The following PCDHA9 variants were observed in gnomAD, a reference collection of about 807,000 sequenced individuals.
PCDHA9 encodes the protein protocadherin alpha-9.
Under a neutral mutation model 62.0 loss-of-function variants are expected in PCDHA9, and 62 were observed. That is an observed-to-expected ratio of 1.00 (90% CI 0.81 to 1.23). The LOEUF is 1.23. Ranked by LOEUF, PCDHA9 falls within the 50% of genes most tolerant of loss-of-function variation. The pLI is 0.00. For synonymous variants in PCDHA9, 557 were observed against 567.6 expected (o/e 0.98, Z 0.27); for missense variants, 1,205 against 1,249.8 (o/e 0.96, Z 0.54).
chr5:140,967,234 G>A (rs781912172), intron 1 of PCDHA9: 3 of 1,613,746 alleles, frequency 1.9e-6, no homozygotes, highest in South Asian at 1.1e-5. Context: ...ACCAGCTTCA[G>A]GTAAGCGAAT....
chr5:140,977,750 G>A (rs2096773664), intron 1 of PCDHA9, among the ~76,000 whole-genome samples: 1 of 152,142 alleles, frequency 6.6e-6, no homozygotes, highest in South Asian at 2.1e-4. Context: ...GAAGAAATGT[G>A]TTTATTAAAT....
chr5:140,971,557 T>A (rs1483701815), intron 1 of PCDHA9, among the ~76,000 whole-genome samples: 5 of 152,150 alleles, frequency 3.3e-5, no homozygotes, highest in Non-Finnish European at 7.4e-5. Context: ...CCTGTTAAAT[T>A]CCCATGTTGG....
chr5:140,935,921 C>G (rs1480748257), intron 1 of PCDHA9, among the ~76,000 whole-genome samples: 2 of 129,532 alleles, frequency 1.5e-5, no homozygotes, highest in African/African-American at 5.8e-5. Context: ...GAGACAGATT[C>G]TCATTCTGTT....
intron 1 of PCDHA9, chr5:140,870,840 A>G (rs1554164745): frequency 1.9e-6 from 3 of 1,613,712 alleles, no homozygotes; most frequent in Admixed American, 3.3e-5. Context: ...TTAACAAGCT[A>G]GTACCGCGGT....
chr5:140,870,987 C>A, intron 1 of PCDHA9: 1 of 1,613,452 alleles, frequency 6.2e-7, no homozygotes, highest in Non-Finnish European at 8.5e-7. Flanking sequence ...TGTACACGGG[C>A]GAGATAAGCA....
intron 1 of PCDHA9, among the ~76,000 whole-genome samples, chr5:140,960,334 T>C (rs902345282): frequency 6.6e-6 from 1 of 152,182 alleles, no homozygotes; most frequent in African/African-American, 2.4e-5. Context: ...GAGAAGTACA[T>C]GAGGTGAGAT....
intron 1 of PCDHA9, chr5:140,967,680 G>C (rs1554229771): frequency 6.2e-7 from 1 of 1,614,228 alleles, no homozygotes; most frequent in South Asian, 1.1e-5. Context: ...GACCGGGAGA[G>C]GCAGCTCTTC....
chr5:140,954,120 C>G (rs246026), intron 1 of PCDHA9, among the ~76,000 whole-genome samples: 85,718 of 152,076 alleles, frequency 0.56, 24,786 homozygotes, highest in African/African-American at 0.69. Flanking sequence ...GATCTTGTTC[C>G]TTTTTATGGA....
At chr5:141,005,478 C>T (rs1021420332) in intron 3 of PCDHA9, among the ~76,000 whole-genome samples, 8 of 151,550 alleles carry the variant, frequency 5.3e-5, no homozygotes, top group East Asian at 3.9e-4. Context: ...CCGAGACGGG[C>T]GGATCATGAG....
rs2150481725 is a variant in PCDHA9, at chr5:140,850,382, C to A, written c.1887C>A (p.Gly629=). The change falls in exon 1 of 4, where the codon GGC becomes GGA. Residue 629 remains glycine (G), a synonymous_variant. Transcript: ENST00000532602. ...SIPFRVGLYT[G]EISTTRALDE... ...CGTTCCGCGTGGGGCTGTACACGGG[C>A]GAGATCAGCACAACGCGTGCCCTGG... 3.2e-5 allele frequency: 51 copies of A among 1,597,762 alleles called. 3 individuals are homozygous for A. In the African/African-American group the frequency reaches 5.9e-4, roughly 19 times the overall value.
At position 140,912,253 on chromosome 5, in the gene PCDHA9, G is replaced by A. The variant is rs531201374; in HGVS notation, c.2394+61364G>A. Among the ~76,000 whole-genome samples the A allele has an allele frequency of 4.8e-4, 73 of 152,064 alleles. 1 individual carries two copies. The highest frequency in any genetic ancestry group is 1.5e-3 in the South Asian group (7 of 4,810). ...ACTGACTCAAATGTTAATCTCCTTTGATGACACCCTCACAGATATACCCAG... is the reference window on the plus strand; with the variant it reads ...ACTGACTCAAATGTTAATCTCCTTTAATGACACCCTCACAGATATACCCAG... On this transcript the variant is annotated intron_variant, in intron 1 of 3. Coordinates refer to ENST00000532602, the MANE Select transcript of PCDHA9 (RefSeq NM_031857.2).
intron 1 of PCDHA9, among the ~76,000 whole-genome samples, chr5:140,978,584 C>G (rs2096810786): frequency 6.6e-6 from 1 of 152,186 alleles, no homozygotes; most frequent in African/African-American, 2.4e-5. Flanking sequence ...TGGGAATGTT[C>G]CCTTAATGGG....
intron 1 of PCDHA9, among the ~76,000 whole-genome samples, chr5:140,897,595 A>C (rs2066215346): frequency 6.6e-6 from 1 of 152,132 alleles, no homozygotes; most frequent in Admixed American, 6.5e-5. Context: ...TCATTGTTGG[A>C]CATTTGGGTT....
chr5:141,010,341 T>G lies in PCDHA9; in HGVS notation c.*404T>G, dbSNP rs199826290. The stretch of plus-strand genomic sequence containing the variant: ...GAGCAGCTTGGGAGTTTGTGGCCAC[T>G]GGGTATGTGTGGCTACCGCGGGTAT... On this transcript the variant is annotated 3_prime_UTR_variant, in exon 4 of 4. Transcript: ENST00000532602. The G allele has an allele frequency of 4.0e-6, 6 of 1,503,220 alleles. No individual in the cohort carries two copies. Among genetic ancestry groups the G allele is most frequent in the Non-Finnish European group, 4.5e-6 (5 of 1,119,592 alleles). The allele number at this position is 1,503,220 out of a possible 1,614,324, so 93.1% of individuals were successfully genotyped here.
intron 1 of PCDHA9, chr5:140,968,917 T>G: frequency 6.2e-7 from 1 of 1,614,216 alleles, no homozygotes; most frequent in Non-Finnish European, 8.5e-7. Flanking sequence ...CAGTGTCTTT[T>G]ATATTTCTTT....
intron 1 of PCDHA9, among the ~76,000 whole-genome samples, chr5:140,920,816 C>A (rs1170521844): frequency 6.6e-6 from 1 of 150,790 alleles, no homozygotes; most frequent in East Asian, 1.9e-4. Flanking sequence ...TGCACTCCAG[C>A]CTGGCGACGG....
intron 1 of PCDHA9, chr5:140,883,159 G>A (rs782151764): frequency 3.1e-6 from 5 of 1,613,846 alleles, no homozygotes; most frequent in Admixed American, 3.3e-5. Context: ...CCATAAATCC[G>A]AACAATGGAG....
At chr5:140,956,141 C>A (rs1181002106) in intron 1 of PCDHA9, among the ~76,000 whole-genome samples, 2 of 152,122 alleles carry the variant, frequency 1.3e-5, no homozygotes, top group Non-Finnish European at 2.9e-5. Context: ...CCCTTTATTT[C>A]TTTCTCTTTC....
chr5:140,898,147 C>T (rs2066556304), intron 1 of PCDHA9, among the ~76,000 whole-genome samples: 1 of 152,150 alleles, frequency 6.6e-6, no homozygotes, highest in African/African-American at 2.4e-5. Flanking sequence ...GTTGCCTGTT[C>T]ACGCTGATGG....
Sources: gnomAD v4.1 joint callset for allele counts (sites outside exome capture counted in the v4.1 genomes callset) on GRCh38, gnomAD v4.1.1 for gene constraint, MANE v1.5 for transcripts, NCBI Gene and HGNC (gene_info 2026-07-23, HGNC 2026-07-21) for gene names.